FHIT: variants seen among roughly 807,000 people sequenced by gnomAD.
The protein encoded by FHIT is bis(5'-adenosyl)-triphosphatase.
In FHIT, 19 loss-of-function variants were observed where a neutral mutation model predicts 17.9. That is an observed-to-expected ratio of 1.06 (90% CI 0.74 to 1.56). FHIT has a LOEUF of 1.56. FHIT is among the 40% of genes most tolerant of loss of function. The pLI is 0.00. For synonymous variants in FHIT, 81 were observed against 69.7 expected, an observed-to-expected ratio of 1.16 and a Z score of -0.81; for missense variants, 248 against 189.2, an observed-to-expected ratio of 1.31 and a Z score of -1.82.
intron 5 of FHIT, among the ~76,000 whole-genome samples, chr3:60,340,031 G>GT (rs1204084210): frequency 6.6e-6 from 1 of 152,052 alleles, no homozygotes; most frequent in Admixed American, 6.5e-5. Context: ...ATTATGCTCT[G>GT]GCACAGGTTC....
chr3:60,196,275 G>T (rs1576291611), intron 5 of FHIT, among the ~76,000 whole-genome samples: 2 of 152,152 alleles, frequency 1.3e-5, no homozygotes, highest in East Asian at 1.9e-4. Context: ...CCCTTACTTT[G>T]TCCAGCTTCT....
intron 8 of FHIT, among the ~76,000 whole-genome samples, chr3:59,800,439 A>T (rs1197713075): frequency 6.6e-6 from 1 of 152,206 alleles, no homozygotes; most frequent in African/African-American, 2.4e-5. Context: ...AAGCTCAAAG[A>T]ATGAGGCAGT....
chr3:60,560,331 C>T (rs895411221), intron 4 of FHIT, among the ~76,000 whole-genome samples: 3 of 152,048 alleles, frequency 2.0e-5, no homozygotes, highest in African/African-American at 7.2e-5. Flanking sequence ...CTCTGTCTTA[C>T]ATATTAGATA....
intron 3 of FHIT, among the ~76,000 whole-genome samples, chr3:61,036,310 G>T (rs1013347946): frequency 6.6e-6 from 1 of 151,276 alleles, no homozygotes; most frequent in Non-Finnish European, 1.5e-5. Context: ...ATTCATGAGG[G>T]ATCAGCCCCC....
At chr3:60,025,450 G>A (rs1405412059) in intron 5 of FHIT, among the ~76,000 whole-genome samples, 3 of 152,134 alleles carry the variant, frequency 2.0e-5, no homozygotes, top group East Asian at 1.9e-4. Context: ...GCTCACTTTG[G>A]CTTAGAATCT....
intron 5 of FHIT, among the ~76,000 whole-genome samples, chr3:60,160,488 C>T (rs927650478): frequency 1.1e-4 from 16 of 152,022 alleles, no homozygotes; most frequent in Non-Finnish European, 1.8e-4. Context: ...CTAATGTTGC[C>T]AAGGAATCAA....
chr3:60,002,358 T>C lies in FHIT; in HGVS notation c.279+9013A>G, dbSNP rs148129750. 8.5e-5 allele frequency among the ~76,000 whole-genome samples: 13 copies of C among 152,266 alleles called. No individual in the cohort carries two copies. In the East Asian group the frequency reaches 2.3e-3, roughly 27 times the overall value. On this transcript the variant is annotated intron_variant, in intron 7 of 9. Coordinates refer to ENST00000492590, the MANE Select transcript of FHIT (RefSeq NM_002012.4). Reference sequence around the variant, plus strand: ...CTCCTGAGGTTTTGGATTAATCTGATGGAGAAGGCTTCCGAAGATATATGT... The same window carrying C: ...CTCCTGAGGTTTTGGATTAATCTGACGGAGAAGGCTTCCGAAGATATATGT...
intron 5 of FHIT, among the ~76,000 whole-genome samples, chr3:60,280,500 G>C (rs1707378344): frequency 6.6e-6 from 1 of 152,130 alleles, no homozygotes. Flanking sequence ...TTATAAGGTA[G>C]AGGCAAAGGT....
At chr3:60,586,639 C>T (rs548487699) in intron 4 of FHIT, among the ~76,000 whole-genome samples, 21 of 152,112 alleles carry the variant, frequency 1.4e-4, no homozygotes, top group Admixed American at 4.6e-4. Context: ...TGTATATATA[C>T]ACCATGGAAT....
In FHIT at chr3:59,823,784, G is replaced by A. The variant is rs376788162; in HGVS notation, c.349-71463C>T. Among the ~76,000 whole-genome samples the A allele has an allele frequency of 5.3e-5, 8 of 152,200 alleles. No homozygotes were observed. In the South Asian group the frequency reaches 1.7e-3, roughly 32 times the overall value. Reference sequence around the variant, plus strand: ...TTGAAAGCATTCCCTCTGAGAAACGGAACAAGACAAGGATGCCCTCTGTCA... The same window carrying A: ...TTGAAAGCATTCCCTCTGAGAAACGAAACAAGACAAGGATGCCCTCTGTCA... On this transcript the variant is annotated intron_variant, in intron 8 of 9. Transcript: ENST00000492590.
intron 2 of FHIT, among the ~76,000 whole-genome samples, chr3:61,186,200 T>C (rs1481253938): frequency 6.6e-6 from 1 of 152,154 alleles, no homozygotes; most frequent in African/African-American, 2.4e-5. Context: ...TCTTCCAGTG[T>C]TATTAAAGTT....
chr3:60,976,096 C>CTTTTTTTTTTTTTTT lies in FHIT; in HGVS notation c.-111+65936_-111+65950dup, dbSNP rs869239307. 8.6e-3 allele frequency among the ~76,000 whole-genome samples: 573 copies of CTTTTTTTTTTTTTTT among 66,794 alleles called. 97 individuals are homozygous for CTTTTTTTTTTTTTTT. Among genetic ancestry groups the CTTTTTTTTTTTTTTT allele is most frequent in the African/African-American group, 9.3e-3 (141 of 15,106 alleles). 43.8% of individuals were successfully genotyped at this position (66,794 alleles called of 152,430 possible). A position where few individuals can be genotyped will look rare whatever the true frequency, so the allele number is the denominator to read the frequency against. On this transcript the variant is annotated intron_variant, in intron 3 of 9. Transcript: ENST00000492590. ...CTTTGTATCTTTCGTTTTTCTTTTT[C>CTTTTTTTTTTTTTTT]TTTTTTTTTTTTTTTTTTTTTTTTT... is the stretch of plus-strand genomic sequence containing the variant.
At chr3:60,058,487 G>A (rs1409264191) in intron 5 of FHIT, among the ~76,000 whole-genome samples, 1 of 152,168 alleles carries the variant, frequency 6.6e-6, no homozygotes, top group Non-Finnish European at 1.5e-5. Flanking sequence ...TGTGATGACT[G>A]CACAACATTG....
At chr3:61,236,189 TTATAA>T (rs2040227290) in intron 1 of FHIT, among the ~76,000 whole-genome samples, 3 of 148,112 alleles carry the variant, frequency 2.0e-5, no homozygotes, top group Non-Finnish European at 4.5e-5. Flanking sequence ...TATATTTTTG[TTATAA>T]TATATAGTAT....
chr3:59,833,124 C>G (rs1559645009), intron 8 of FHIT, among the ~76,000 whole-genome samples: 1 of 152,114 alleles, frequency 6.6e-6, no homozygotes, highest in Non-Finnish European at 1.5e-5. Context: ...GTAAGTTACA[C>G]TGGGGTATAA....
At chr3:60,876,631 C>CTTTTATTAAGTAGACTATT (rs1704670381) in intron 3 of FHIT, among the ~76,000 whole-genome samples, 2 of 152,150 alleles carry the variant, frequency 1.3e-5, no homozygotes, top group Admixed American at 1.3e-4. Context: ...TTTAAGTAGA[C>CTTTTATTAAGTAGACTATT]ATTATTCTTT....
At chr3:60,270,687 G>T (rs1706815937) in intron 5 of FHIT, among the ~76,000 whole-genome samples, 1 of 152,216 alleles carries the variant, frequency 6.6e-6, no homozygotes, top group South Asian at 2.1e-4. Flanking sequence ...AATGGGCCAA[G>T]ATTCTAGGCA....
intron 8 of FHIT, among the ~76,000 whole-genome samples, chr3:59,808,378 G>T (rs1270818767): frequency 6.6e-6 from 1 of 152,092 alleles, no homozygotes; most frequent in Non-Finnish European, 1.5e-5. Flanking sequence ...TGGCTCTTCA[G>T]GGCTTTTCTG....
At chr3:61,029,729 G>A (rs1312136378) in intron 3 of FHIT, among the ~76,000 whole-genome samples, 1 of 151,886 alleles carries the variant, frequency 6.6e-6, no homozygotes, top group Non-Finnish European at 1.5e-5. Flanking sequence ...TTTTCTTTTG[G>A]TGGTCTTTTG....
Sources: allele counts gnomAD v4.1 joint callset (sites outside exome capture counted in the v4.1 genomes callset), GRCh38; gene constraint gnomAD v4.1.1; transcripts MANE v1.5; gene names NCBI Gene and HGNC (gene_info 2026-07-23, HGNC 2026-07-21).